Variants in ODF1 observed in about 807,000 individuals in gnomAD.
The protein encoded by ODF1 is outer dense fiber of sperm tails 1, also known as outer dense fiber protein 1.
In ODF1, 10 loss-of-function variants were observed where a neutral mutation model predicts 24.0. The observed-to-expected ratio is 0.42, with a 90% CI of 0.26 to 0.71. ODF1 has a LOEUF of 0.71. ODF1 is among the 30% of genes least tolerant of loss of function. The pLI is 0.28. For missense variants in ODF1, 282 were observed against 307.9 expected (o/e 0.92, Z 0.63); for synonymous variants, 118 against 121.3 (o/e 0.97, Z 0.18).
intron 1 of ODF1, among the ~76,000 whole-genome samples, chr8:102,559,837 G>C (rs181853183): frequency 6.6e-6 from 1 of 151,522 alleles, no homozygotes; most frequent in East Asian, 1.9e-4. Context: ...GTAGGGCTGG[G>C]TTCGAAAGCT....
At position 102,560,701 on chromosome 8, in the gene ODF1, T is replaced by C. The variant is rs979663683; in HGVS notation, c.570T>C (p.Tyr190=). The C allele has an allele frequency of 1.9e-6, 3 of 1,614,068 alleles. No individual in the cohort carries two copies. Among genetic ancestry groups the C allele is most frequent in the Non-Finnish European group, 2.5e-6 (3 of 1,180,018 alleles). ...ATGAGAAGGATGTAACATACTCCTA[T>C]GGGCTCGGCAGCTGTGTCAAGATCG... ...CVDEKDVTYS[Y]GLGSCVKIES... Residue 190 remains tyrosine, a synonymous_variant, in exon 2 of 2, where the codon TAT becomes TAC. Coordinates refer to ENST00000285402, the MANE Select transcript of ODF1 (RefSeq NM_024410.4).
intron 1 of ODF1, among the ~76,000 whole-genome samples, chr8:102,558,331 G>A (rs912510433): frequency 3.9e-5 from 6 of 152,152 alleles, no homozygotes; most frequent in African/African-American, 1.4e-4. Context: ...GCGGGCACCT[G>A]TACTCCCAGC....
chr8:102,553,374 C>CAAA (rs55997419), intron 1 of ODF1, among the ~76,000 whole-genome samples: 6 of 108,446 alleles, frequency 5.5e-5, no homozygotes, highest in African/African-American at 2.0e-4. Context: ...GAGACTGTCT[C>CAAA]AAAAAAAAAA....
At chr8:102,559,963 T>C (rs1411634304) in intron 1 of ODF1, among the ~76,000 whole-genome samples, 2 of 151,110 alleles carry the variant, frequency 1.3e-5, no homozygotes, top group African/African-American at 4.9e-5. Flanking sequence ...ATATACACAA[T>C]TTAATTACAG....
chr8:102,560,795 AGCCCCTGC>A lies in ODF1; in HGVS notation c.665_672del (p.Ser222LysfsTer7), dbSNP rs763278818. The A allele has an allele frequency of 0.029, 25,932 of 898,612 alleles. 2,769 individuals carry two copies. In the African/African-American group the frequency reaches 0.33, roughly 11 times the overall value. 55.7% of individuals were successfully genotyped at this position (898,612 alleles called of 1,614,324 possible). On this transcript the variant is annotated frameshift_variant, in exon 2 of 2. Transcript: ENST00000285402. LOFTEE classifies it high-confidence loss of function. ...CCCCTGCAGCCCCTGCAACCCCTGC[AGCCCCTGC>A]AACCCGTGCAGCCCATATGATCCTT...
At chr8:102,553,374 CA>C (rs55997419) in intron 1 of ODF1, among the ~76,000 whole-genome samples, 2,776 of 108,314 alleles carry the variant, frequency 0.026, 64 homozygotes, top group African/African-American at 0.08. Context: ...GAGACTGTCT[CA>C]AAAAAAAAAA....
chr8:102,551,662 A>T lies in ODF1; in HGVS notation c.-66A>T. ...TAAAAGCAACTTCTGAGAAGGGCTT[A>T]GAACAAATTTTTTCCCGGAGTGCCA... On this transcript the variant is annotated 5_prime_UTR_variant, in exon 1 of 2. Transcript: ENST00000285402. 1 of 1,381,554 alleles carries T rather than the reference A, an allele frequency of 7.2e-7. No individual in the cohort carries two copies. The highest frequency in any genetic ancestry group is 2.2e-5 in the Admixed American group (1 of 45,048). The allele number at this position is 1,381,554 out of a possible 1,614,324, so 85.6% of individuals were successfully genotyped here.
At position 102,560,708 on chromosome 8, in the gene ODF1, G is replaced by A. The variant is rs1205959169; in HGVS notation, c.577G>A (p.Gly193Ser). The A allele has an allele frequency of 4.3e-6, 7 of 1,613,888 alleles. No individual in the cohort carries two copies. Among genetic ancestry groups the A allele is most frequent in the Middle Eastern group, 1.6e-4 (1 of 6,062 alleles). ...GGATGTAACATACTCCTATGGGCTCGGCAGCTGTGTCAAGATCGAGTCTCC... is the reference window on the plus strand; with the variant it reads ...GGATGTAACATACTCCTATGGGCTCAGCAGCTGTGTCAAGATCGAGTCTCC... ...EKDVTYSYGL[G>S]SCVKIESPCY... Residue 193 changes from glycine to serine, a missense_variant, in exon 2 of 2, where the codon GGC becomes AGC. By Grantham distance (56) the Gly-to-Ser change is moderately conservative. Transcript: ENST00000285402.
Position 102,560,609 on chromosome 8 carries a change from T to A in ODF1, c.478T>A (p.Cys160Ser). The A allele has an allele frequency of 1.9e-6, 3 of 1,614,238 alleles. No individual in the cohort carries two copies. Among genetic ancestry groups the A allele is most frequent in the Non-Finnish European group, 2.5e-6 (3 of 1,180,046 alleles). The part of the protein sequence containing the change: ...VSAERENRYD[C>S]LGSKKYSYMN... ...GGCTGAGCGGGAGAACAGGTACGAC[T>A]GCCTTGGATCGAAAAAGTACAGCTA... Residue 160 changes from cysteine to serine, a missense_variant, in exon 2 of 2, where the codon TGC (cysteine) becomes AGC (serine). Coordinates refer to ENST00000285402, the MANE Select transcript of ODF1 (RefSeq NM_024410.4).
chr8:102,553,358 C>G (rs1260147049), intron 1 of ODF1, among the ~76,000 whole-genome samples: 3 of 123,614 alleles, frequency 2.4e-5, no homozygotes, highest in African/African-American at 9.5e-5. Context: ...GACCGGGTGA[C>G]AAAGTGAGAC....
chr8:102,557,284 A>T (rs1826123872), intron 1 of ODF1, among the ~76,000 whole-genome samples: 2 of 152,236 alleles, frequency 1.3e-5, no homozygotes, highest in Admixed American at 1.3e-4. Context: ...TGATGGGGAC[A>T]TCACCAGGCA....
At chr8:102,553,619 C>T (rs1826075872) in intron 1 of ODF1, among the ~76,000 whole-genome samples, 1 of 152,198 alleles carries the variant, frequency 6.6e-6, no homozygotes, top group Admixed American at 6.5e-5. Context: ...TATCCACTCT[C>T]CTCCTACTTT....
chr8:102,552,054 T>C lies in ODF1; in HGVS notation c.320+7T>C. ...AGAAGCGAGAGCTTGCCAAGTAAAA[T>C]AACTTATTTTTAAATTTTTATAGTC... On this transcript the variant is annotated splice_region_variant and intron_variant, in intron 1 of 1. Transcript: ENST00000285402. 6.4e-7 allele frequency: 1 copy of C among 1,563,418 alleles called. No individual in the cohort carries two copies. The highest frequency in any genetic ancestry group is 8.7e-7 in the Non-Finnish European group (1 of 1,153,524).
chr8:102,555,048 TC>T (rs1826096205), intron 1 of ODF1, among the ~76,000 whole-genome samples: 1 of 152,194 alleles, frequency 6.6e-6, no homozygotes, highest in Non-Finnish European at 1.5e-5. Context: ...GGCAGTGTCT[TC>T]CTTAGTAGAG....
intron 1 of ODF1, among the ~76,000 whole-genome samples, chr8:102,559,516 C>G (rs1826152486): frequency 6.6e-6 from 1 of 151,664 alleles, no homozygotes; most frequent in Admixed American, 6.6e-5. Flanking sequence ...GCAGTACTAA[C>G]TGGGGATCGG....
intron 1 of ODF1, among the ~76,000 whole-genome samples, chr8:102,556,119 G>A (rs1259511024): frequency 2.6e-5 from 4 of 152,162 alleles, no homozygotes; most frequent in African/African-American, 9.7e-5. Flanking sequence ...TTTAAGCCTT[G>A]TAACATGGGT....
At chr8:102,560,389 C>T (rs1826163829) in intron 1 of ODF1, 63 bp from the exon 2 acceptor site, 1 of 1,468,992 alleles carries the variant, frequency 6.8e-7, no homozygotes, top group African/African-American at 1.4e-5. Context: ...TATTGCTTCT[C>T]AAGCTGTGTC....
chr8:102,556,439 T>C lies in ODF1; in HGVS notation c.321-4013T>C, dbSNP rs531132717. 2.0e-4 allele frequency among the ~76,000 whole-genome samples: 7 copies of C among 35,808 alleles called. No individual in the cohort carries two copies. In the East Asian group the frequency reaches 2.0e-3, roughly 10 times the overall value. 23.5% of individuals were successfully genotyped at this position (35,808 alleles called of 152,430 possible). A position where few individuals can be genotyped will look rare whatever the true frequency, so the allele number is the denominator to read the frequency against. On this transcript the variant is annotated intron_variant, in intron 1 of 1. Transcript: ENST00000285402. ...GTTTTTTGTTGTTGTTGTTGTTTTG[T>C]TTTGTTTTGTTTTGTTTTGTTTTGT...
rs768071885 is a variant in ODF1, at chr8:102,560,814, G to GCCCCTGCAA, written c.686_687insCTGCAACCC (p.Pro229_Tyr230insCysAsnPro). ...CCCTGCAGCCCCTGCAACCCGTGCA[G>GCCCCTGCAA]CCCATATGATCCTTGCAACCCGTGT... is the stretch of plus-strand genomic sequence containing the variant. On this transcript the variant is annotated inframe_insertion, in exon 2 of 2. Transcript: ENST00000285402. 120 of 1,559,788 alleles carry GCCCCTGCAA rather than the reference G, an allele frequency of 7.7e-5. No homozygotes were observed. In the Middle Eastern group the frequency reaches 8.6e-4, roughly 11 times the overall value.
Sources: allele counts gnomAD v4.1 joint callset (sites outside exome capture counted in the v4.1 genomes callset), GRCh38; gene constraint gnomAD v4.1.1; transcripts MANE v1.5; gene names NCBI Gene and HGNC (gene_info 2026-07-23, HGNC 2026-07-21).